DLG2: variants seen among roughly 807,000 people sequenced by gnomAD.
DLG2 encodes discs large MAGUK scaffold protein 2, also known as disks large homolog 2.
Under a neutral mutation model 132.5 loss-of-function variants are expected in DLG2, and 45 were observed. That is an observed-to-expected ratio of 0.34 (90% confidence interval 0.27 to 0.44). The LOEUF is 0.44. DLG2 is among the 20% of genes least tolerant of loss of function. DLG2 has a pLI of 1.00. For synonymous variants in DLG2, 424 were observed against 419.6 expected (o/e 1.01, Z -0.13); for missense variants, 1,045 against 1,196.9 (o/e 0.87, Z 1.87).
intron 21 of DLG2, among the ~76,000 whole-genome samples, chr11:83,517,555 T>C (rs2140274742): frequency 6.6e-6 from 1 of 152,342 alleles, no homozygotes; most frequent in Non-Finnish European, 1.5e-5. Flanking sequence ...TTTGTTCCAT[T>C]GCTGGTGAGG....
chr11:83,728,458 C>G (rs2090424690), intron 18 of DLG2, among the ~76,000 whole-genome samples: 1 of 152,188 alleles, frequency 6.6e-6, no homozygotes, highest in South Asian at 2.1e-4. Context: ...TCAAACACTG[C>G]TGCCTCTGGG....
chr11:85,002,634 T>G (rs938546273), intron 6 of DLG2, among the ~76,000 whole-genome samples: 8 of 152,144 alleles, frequency 5.3e-5, no homozygotes, highest in African/African-American at 1.7e-4. Flanking sequence ...ACATTGGTAT[T>G]TGTGTTTACA....
In DLG2 at chr11:83,544,392, A is replaced by G. The variant is rs17522126; in HGVS notation, c.1941-2534T>C. Among the ~76,000 whole-genome samples the G allele has an allele frequency of 4.5e-3, 678 of 152,310 alleles. 3 individuals are homozygous for G. Among genetic ancestry groups the G allele is most frequent in the Middle Eastern group, 0.024 (7 of 294 alleles). On this transcript the variant is annotated intron_variant, in intron 19 of 27. Transcript: ENST00000376104. ...ACAAAAGTTACCTTATTGTGACTCAATCAGTTGCTGTGAAGAAGGTATGAC... is the reference window on the plus strand; with the variant it reads ...ACAAAAGTTACCTTATTGTGACTCAGTCAGTTGCTGTGAAGAAGGTATGAC...
chr11:84,158,970 C>G (rs1379477162), intron 9 of DLG2, among the ~76,000 whole-genome samples: 1 of 152,162 alleles, frequency 6.6e-6, no homozygotes, highest in Non-Finnish European at 1.5e-5. Flanking sequence ...TAATTATAAA[C>G]AGTTTAGCCT....
chr11:85,417,226 G>A (rs532536113), intron 3 of DLG2, among the ~76,000 whole-genome samples: 17 of 152,212 alleles, frequency 1.1e-4, no homozygotes, highest in African/African-American at 3.9e-4. Flanking sequence ...CTTTGGTTCT[G>A]TTTATGTGAT....
intron 6 of DLG2, among the ~76,000 whole-genome samples, chr11:85,002,468 A>G (rs1175617265): frequency 6.6e-6 from 1 of 152,168 alleles, no homozygotes; most frequent in Admixed American, 6.6e-5. Context: ...TTGGACTATC[A>G]GAAGTCTGTG....
At chr11:84,350,175 C>A (rs1310273687) in intron 7 of DLG2, among the ~76,000 whole-genome samples, 1 of 121,776 alleles carries the variant, frequency 8.2e-6, no homozygotes, top group Non-Finnish European at 1.8e-5. Context: ...GAGACTTCGT[C>A]CCCCCCCCCA....
intron 6 of DLG2, among the ~76,000 whole-genome samples, chr11:84,682,628 A>G (rs2099734465): frequency 6.6e-6 from 1 of 152,150 alleles, no homozygotes; most frequent in East Asian, 1.9e-4. Flanking sequence ...CCACTGGAGG[A>G]AAAAGCCAAC....
chr11:85,370,095 A>G (rs1213699412), intron 3 of DLG2, among the ~76,000 whole-genome samples: 2 of 152,218 alleles, frequency 1.3e-5, no homozygotes, highest in Non-Finnish European at 2.9e-5. Flanking sequence ...TGGCTTCACA[A>G]TTGATAAGGC....
intron 6 of DLG2, among the ~76,000 whole-genome samples, chr11:84,848,176 C>T (rs1240918349): frequency 6.6e-6 from 1 of 152,002 alleles, no homozygotes; most frequent in Non-Finnish European, 1.5e-5. Context: ...GTAACATGTG[C>T]CAACCTAGAT....
chr11:83,955,685 C>G (rs1243749596), intron 14 of DLG2, among the ~76,000 whole-genome samples: 1 of 152,200 alleles, frequency 6.6e-6, no homozygotes, highest in Non-Finnish European at 1.5e-5. Context: ...CTGGGAGATG[C>G]AGACCCTCCC....
In DLG2 at chr11:84,791,605, T is replaced by C. The variant is rs569951962; in HGVS notation, c.358-256874A>G. Among the ~76,000 whole-genome samples the C allele has an allele frequency of 2.8e-4, 42 of 152,310 alleles. 1 individual carries two copies. The highest frequency in any genetic ancestry group is 2.5e-3 in the Admixed American group (38 of 15,294). On this transcript the variant is annotated intron_variant, in intron 6 of 27. Transcript: ENST00000376104. ...TATCTTTTTATGTTTTTGTGTTCTCTTAAATTTCTTTCATCAGTGTTTTAT... is the reference window on the plus strand; with the variant it reads ...TATCTTTTTATGTTTTTGTGTTCTCCTAAATTTCTTTCATCAGTGTTTTAT...
At position 83,681,535 on chromosome 11, in the gene DLG2, C is replaced by A. The variant is rs1378910119; in HGVS notation, c.1826-48210G>T. ...TCCATAACGATCTAGTCTTTTCTTT[C>A]ACTCCCTCTCCCACATCATCAACAG... On this transcript the variant is annotated intron_variant, in intron 18 of 27. Transcript: ENST00000376104. 2.0e-5 allele frequency among the ~76,000 whole-genome samples: 3 copies of A among 152,140 alleles called. No homozygotes were observed. The East Asian group carries it at 5.8e-4, about 29-fold the overall frequency.
intron 11 of DLG2, among the ~76,000 whole-genome samples, chr11:84,013,674 C>T (rs936209785): frequency 1.3e-5 from 2 of 151,898 alleles, no homozygotes; most frequent in Non-Finnish European, 2.9e-5. Flanking sequence ...CGAGATCAGC[C>T]TGGCCAATGT....
At chr11:83,524,277 C>T (rs1592461642) in intron 21 of DLG2, among the ~76,000 whole-genome samples, 1 of 152,278 alleles carries the variant, frequency 6.6e-6, no homozygotes, top group East Asian at 1.9e-4. Flanking sequence ...AGTAGCATGC[C>T]TAACAAAATC....
intron 19 of DLG2, among the ~76,000 whole-genome samples, chr11:83,557,636 G>A (rs975347586): frequency 6.6e-6 from 1 of 152,160 alleles, no homozygotes; most frequent in Non-Finnish European, 1.5e-5. Flanking sequence ...TATGTTGCTT[G>A]TAGGTGTTTC....
intron 19 of DLG2, among the ~76,000 whole-genome samples, chr11:83,560,551 C>G (rs1257977488): frequency 6.6e-6 from 1 of 152,034 alleles, no homozygotes; most frequent in Non-Finnish European, 1.5e-5. Flanking sequence ...GGTGGAAATT[C>G]TATTCAGTCT....
intron 19 of DLG2, among the ~76,000 whole-genome samples, chr11:83,629,021 T>C (rs2153451829): frequency 6.6e-6 from 1 of 152,330 alleles, no homozygotes; most frequent in Non-Finnish European, 1.5e-5. Flanking sequence ...AATGTACTTC[T>C]TACTTTGCTT....
At chr11:83,835,949 T>C (rs1267942483) in intron 16 of DLG2, among the ~76,000 whole-genome samples, 3 of 152,108 alleles carry the variant, frequency 2.0e-5, no homozygotes, top group South Asian at 2.1e-4. Context: ...CACACCCCTA[T>C]AGTATATACA....
Sources: gnomAD v4.1 joint callset for allele counts (sites outside exome capture counted in the v4.1 genomes callset) on GRCh38, gnomAD v4.1.1 for gene constraint, MANE v1.5 for transcripts, NCBI Gene and HGNC (gene_info 2026-07-23, HGNC 2026-07-21) for gene names.